The following NBEA variants were observed in gnomAD, a reference collection of about 807,000 sequenced individuals.
NBEA encodes neurobeachin, also known as lysosomal-trafficking regulator 2.
NBEA carries 44 observed loss-of-function variants against 343.4 expected under a neutral mutation model. The ratio of observed to expected loss-of-function variants is 0.13; its 90% CI spans 0.10 to 0.16. The LOEUF (loss-of-function observed/expected upper bound fraction) is 0.16, where lower values mean the gene tolerates loss of function less well. Among genes scored for constraint, NBEA ranks in the 10% least tolerant of loss-of-function variants. The pLI, the probability that NBEA is intolerant of heterozygous loss-of-function variation, is 1.00. For synonymous variants in NBEA, 1,175 were observed against 1,238.7 expected, an observed-to-expected ratio of 0.95 and a Z score of 1.08; for missense variants, 2,555 against 3,631.3, an observed-to-expected ratio of 0.70 and a Z score of 7.62.
intron 45 of NBEA, among the ~76,000 whole-genome samples, chr13:35,575,807 C>G (rs751492299): frequency 6.6e-6 from 1 of 152,036 alleles, no homozygotes; most frequent in Admixed American, 6.6e-5. Flanking sequence ...ATTCAGTCAG[C>G]GACCACACAG....
intron 34 of NBEA, among the ~76,000 whole-genome samples, chr13:35,288,728 C>A (rs2035600663): frequency 6.6e-6 from 1 of 151,922 alleles, no homozygotes; most frequent in South Asian, 2.1e-4. Context: ...AAAACTCATA[C>A]ACAAAATGTA....
chr13:35,349,191 A>T lies in NBEA; in HGVS notation c.5987A>T (p.Asp1996Val). 1 of 1,603,782 alleles carries T rather than the reference A, an allele frequency of 6.2e-7. No individual in the cohort carries two copies. Among genetic ancestry groups the T allele is most frequent in the Non-Finnish European group, 8.5e-7 (1 of 1,173,914 alleles). The change falls in exon 37 of 59, where the codon GAT (aspartate) becomes GTT (valine). Residue 1996 changes from aspartate to valine, a missense_variant. By Grantham distance (152) the Asp-to-Val change is radical. This residue lies in a region of NBEA where 246 missense variants were observed against 313.7 expected (regional missense o/e 0.78). Transcript: ENST00000379939. Reference sequence around the variant, plus strand: ...ATTTTGAACAGACAAAGAGCCGAGGATGTACATAAACATGCAGAGTTTGAG... The same window carrying T: ...ATTTTGAACAGACAAAGAGCCGAGGTTGTACATAAACATGCAGAGTTTGAG... ...EFILNRQRAE[D>V]VHKHAEFESQ...
chr13:35,380,526 A>G (rs1214060896), intron 38 of NBEA, among the ~76,000 whole-genome samples: 2 of 152,206 alleles, frequency 1.3e-5, no homozygotes, highest in Admixed American at 6.6e-5. Context: ...ATTTATTTGT[A>G]GGTGTTAGAT....
intron 8 of NBEA, among the ~76,000 whole-genome samples, chr13:35,067,827 C>A (rs2063712138): frequency 6.6e-6 from 1 of 152,018 alleles, no homozygotes; most frequent in Non-Finnish European, 1.5e-5. Context: ...GTCTCAAAAT[C>A]CTGGACTTGG....
chr13:35,277,656 A>G (rs1236496388), intron 34 of NBEA, among the ~76,000 whole-genome samples: 16 of 142,564 alleles, frequency 1.1e-4, no homozygotes, highest in Non-Finnish European at 1.7e-4. Flanking sequence ...AAAGTGGGGG[A>G]AACAACATAT....
At chr13:35,463,880 G>T (rs1480060776) in intron 40 of NBEA, among the ~76,000 whole-genome samples, 1 of 151,854 alleles carries the variant, frequency 6.6e-6, no homozygotes, top group East Asian at 1.9e-4. Context: ...GATAGAGGGG[G>T]TAACTACCTC....
At chr13:35,148,014 A>G (rs1045441352) in intron 18 of NBEA, among the ~76,000 whole-genome samples, 5 of 152,264 alleles carry the variant, frequency 3.3e-5, no homozygotes, top group Non-Finnish European at 7.4e-5. Flanking sequence ...GGGACAACCA[A>G]CTGCCAGTGA....
At chr13:35,615,137 A>C (rs1386773488) in intron 48 of NBEA, among the ~76,000 whole-genome samples, 2 of 148,822 alleles carry the variant, frequency 1.3e-5, no homozygotes, top group East Asian at 2.0e-4. Context: ...TACAAAAAAA[A>C]AAAAAACAAA....
intron 1 of NBEA, among the ~76,000 whole-genome samples, chr13:35,008,386 C>T (rs2061381053): frequency 6.6e-6 from 1 of 152,080 alleles, no homozygotes; most frequent in African/African-American, 2.4e-5. Flanking sequence ...CCTCCCATAT[C>T]CTTTAAATAA....
chr13:35,105,178 A>C lies in NBEA; in HGVS notation c.1681-4112A>C, dbSNP rs368739944. Among the ~76,000 whole-genome samples, 185 of 152,098 alleles carry C rather than the reference A, an allele frequency of 1.2e-3. 2 individuals are homozygous for C. Among genetic ancestry groups the C allele is most frequent in the African/African-American group, 3.9e-3 (161 of 41,528 alleles). On this transcript the variant is annotated intron_variant, in intron 11 of 58. Transcript: ENST00000379939. Reference sequence around the variant, plus strand: ...AAAGGAGTATAGTGTAAGTGTACTGAAGGGGTAAAATCTGGAAAATATATA... The same window carrying C: ...AAAGGAGTATAGTGTAAGTGTACTGCAGGGGTAAAATCTGGAAAATATATA...
chr13:34,970,889 G>GT (rs1174492125), intron 1 of NBEA, among the ~76,000 whole-genome samples: 1 of 152,092 alleles, frequency 6.6e-6, no homozygotes, highest in Admixed American at 6.6e-5. Flanking sequence ...TTTAAAAGTA[G>GT]TTTTTTTCTG....
rs559087936 is a variant in NBEA at position 35,234,096 on chromosome 13, C to T, written c.5776+1477C>T. Among the ~76,000 whole-genome samples the T allele has an allele frequency of 5.9e-5, 9 of 152,234 alleles. No individual in the cohort carries two copies. In the South Asian group the frequency reaches 1.9e-3, roughly 32 times the overall value. On this transcript the variant is annotated intron_variant, in intron 34 of 58. Transcript: ENST00000379939. ...CTACCAACAGCAAAAATGCCAGTCTCATGTGAACCAGAAGGACAGTAGTCG... is the reference window on the plus strand; with the variant it reads ...CTACCAACAGCAAAAATGCCAGTCTTATGTGAACCAGAAGGACAGTAGTCG...
chr13:35,408,006 A>T (rs1230865692), intron 38 of NBEA, among the ~76,000 whole-genome samples: 1 of 152,158 alleles, frequency 6.6e-6, no homozygotes, highest in East Asian at 1.9e-4. Flanking sequence ...AACTAGAAAA[A>T]ACTATTTTAA....
At chr13:34,976,646 T>A (rs1229561409) in intron 1 of NBEA, among the ~76,000 whole-genome samples, 5 of 150,542 alleles carry the variant, frequency 3.3e-5, no homozygotes, top group Non-Finnish European at 7.4e-5. Flanking sequence ...CTTTTTTCTT[T>A]GTTTTTTGTT....
intron 41 of NBEA, among the ~76,000 whole-genome samples, chr13:35,521,473 G>A (rs2077711136): frequency 6.6e-6 from 1 of 152,152 alleles, no homozygotes; most frequent in Non-Finnish European, 1.5e-5. Context: ...GAAATCCCAT[G>A]ACAAGAACAG....
At chr13:35,472,572 C>T (rs1246815292) in intron 41 of NBEA, 36 bp downstream of exon 41, 1 of 1,612,088 alleles carries the variant, frequency 6.2e-7, no homozygotes. Context: ...GTATTGGTGG[C>T]TTTGTGGCAG....
At chr13:35,615,140 AAAAC>A (rs1326855727) in intron 48 of NBEA, among the ~76,000 whole-genome samples, 3,919 of 148,140 alleles carry the variant, frequency 0.026, 180 homozygotes, top group African/African-American at 0.094. Flanking sequence ...AAAAAAAAAA[AAAAC>A]AAAAAAAAAT....
intron 36 of NBEA, among the ~76,000 whole-genome samples, chr13:35,313,909 A>T (rs2037534369): frequency 6.6e-6 from 1 of 152,176 alleles, no homozygotes. Flanking sequence ...TGGTTGCTGT[A>T]GGTGAATAAG....
At chr13:35,476,333 CTGCTGCTGCTGCTGCT>C (rs1486421141) in intron 41 of NBEA, 310 of 1,229,318 alleles carry the variant, frequency 2.5e-4, no homozygotes, top group South Asian at 1.0e-3. Context: ...GCTGCTGCTG[CTGCTGCTGCTGCTGCT>C]GCTGCTTTTC....
Sources: allele counts gnomAD v4.1 joint callset (sites outside exome capture counted in the v4.1 genomes callset), GRCh38; gene constraint gnomAD v4.1.1; regional missense constraint gnomAD v4.1.1; transcripts MANE v1.5; gene names NCBI Gene and HGNC (gene_info 2026-07-23, HGNC 2026-07-21).